Variants in LRBA observed in about 807,000 individuals in gnomAD.
LRBA encodes the protein LPS responsive beige-like anchor protein, also known as lipopolysaccharide-responsive and beige-like anchor protein.
LRBA carries 176 observed loss-of-function variants against 330.0 expected under a neutral mutation model. The observed-to-expected ratio is 0.53, with a 90% CI of 0.47 to 0.60. The LOEUF is 0.60. LRBA is among the 20% of genes least tolerant of loss of function. The pLI, the probability that LRBA is intolerant of heterozygous loss-of-function variation, is 0.00. For missense variants in LRBA, 3,259 were observed against 3,444.8 expected (o/e 0.95, Z 1.35); for synonymous variants, 1,230 against 1,193.0 (o/e 1.03, Z -0.64).
At chr4:150,437,921 T>G (rs563587911) in intron 44 of LRBA, among the ~76,000 whole-genome samples, 1 of 152,352 alleles carries the variant, frequency 6.6e-6, no homozygotes, top group East Asian at 1.9e-4. Context: ...ACTGCTGTTG[T>G]CATTTAGGTA....
At chr4:150,906,817 G>A (rs1731387601) in intron 11 of LRBA, among the ~76,000 whole-genome samples, 1 of 152,058 alleles carries the variant, frequency 6.6e-6, no homozygotes. Flanking sequence ...AAAAGACAGT[G>A]GAGCAAACAG....
At chr4:150,620,268 C>A (rs904951794) in intron 37 of LRBA, among the ~76,000 whole-genome samples, 2 of 152,126 alleles carry the variant, frequency 1.3e-5, no homozygotes, top group African/African-American at 4.8e-5. Flanking sequence ...CCACCCTACT[C>A]CTGCAAGAAT....
chr4:150,372,149 T>C (rs1740417703), intron 47 of LRBA, among the ~76,000 whole-genome samples: 1 of 152,230 alleles, frequency 6.6e-6, no homozygotes, highest in Non-Finnish European at 1.5e-5. Context: ...CTTTTAGTTC[T>C]TAAATTACAA....
intron 40 of LRBA, among the ~76,000 whole-genome samples, chr4:150,576,558 T>C (rs188401441): frequency 1.4e-4 from 21 of 152,054 alleles, no homozygotes; most frequent in African/African-American, 4.8e-4. Flanking sequence ...TGTATATTTT[T>C]GGTGACATCA....
chr4:150,546,132 GA>G (rs1937442559), intron 40 of LRBA, among the ~76,000 whole-genome samples: 1 of 151,982 alleles, frequency 6.6e-6, no homozygotes, highest in African/African-American at 2.4e-5. Flanking sequence ...ATGCTATTGC[GA>G]TATTACGACT....
chr4:150,891,110 G>A (rs1427650926), intron 17 of LRBA, among the ~76,000 whole-genome samples: 1 of 152,122 alleles, frequency 6.6e-6, no homozygotes, highest in African/African-American at 2.4e-5. Flanking sequence ...TAGGAAATGT[G>A]TACAAAGAAA....
intron 48 of LRBA, among the ~76,000 whole-genome samples, chr4:150,335,635 T>C (rs1465424646): frequency 2.6e-5 from 4 of 151,860 alleles, no homozygotes; most frequent in Admixed American, 6.6e-5. Flanking sequence ...TATTACAGCA[T>C]ATATATTAAA....
intron 37 of LRBA, among the ~76,000 whole-genome samples, chr4:150,602,947 C>A (rs1010839182): frequency 6.6e-6 from 1 of 152,138 alleles, no homozygotes; most frequent in Non-Finnish European, 1.5e-5. Context: ...AAGTACATAT[C>A]TAGATCACAT....
At position 150,671,000 on chromosome 4, in the gene LRBA, ATGTG is replaced by A. The variant is rs57937053; in HGVS notation, c.5921+12547_5921+12550del. ...TTCACTTTGTCCCACAACATAGCTG[ATGTG>A]TGTGTGTGTGTGTGTGTGTGTGTGT... On this transcript the variant is annotated intron_variant, in intron 37 of 56. Coordinates refer to ENST00000651943, the MANE Select transcript of LRBA (RefSeq NM_001364905.1). Among the ~76,000 whole-genome samples, 361 of 106,880 alleles carry A rather than the reference ATGTG, an allele frequency of 3.4e-3. 1 individual carries two copies. The highest frequency in any genetic ancestry group is 0.017 in the East Asian group (65 of 3,862). The allele number at this position is 106,880 out of a possible 152,430, so 70.1% of individuals were successfully genotyped here.
rs138201771 is a variant in LRBA, at chr4:150,279,254, A to G, written c.8317-1250T>C. 2.5e-4 allele frequency among the ~76,000 whole-genome samples: 38 copies of G among 152,316 alleles called. 1 individual carries two copies. The East Asian group carries it at 7.3e-3, about 29-fold the overall frequency. ...TATTTACTTTCTGTCCATTTATAGA[A>G]AAAGTGTGATTACTCCTAATTGTCC... On this transcript the variant is annotated intron_variant, in intron 55 of 56. Coordinates refer to ENST00000651943, the MANE Select transcript of LRBA (RefSeq NM_001364905.1).
At chr4:150,727,031 C>G (rs557781843) in intron 36 of LRBA, among the ~76,000 whole-genome samples, 1 of 140,338 alleles carries the variant, frequency 7.1e-6, no homozygotes, top group Admixed American at 7.3e-5. Flanking sequence ...TACTACAGAA[C>G]AAGTGGATCT....
chr4:150,387,805 A>G (rs1473394326), intron 47 of LRBA, among the ~76,000 whole-genome samples: 1 of 152,212 alleles, frequency 6.6e-6, no homozygotes, highest in East Asian at 1.9e-4. Flanking sequence ...GAGTAAGTTA[A>G]GAAGCAGATA....
intron 28 of LRBA, among the ~76,000 whole-genome samples, chr4:150,839,767 T>C (rs1659642330): frequency 1.3e-5 from 2 of 152,046 alleles, no homozygotes; most frequent in South Asian, 4.1e-4. Context: ...GGGATAGCAT[T>C]AGAAGATATA....
At chr4:150,469,023 TAGC>T (rs1425356953) in intron 43 of LRBA, among the ~76,000 whole-genome samples, 6 of 151,998 alleles carry the variant, frequency 3.9e-5, no homozygotes, top group African/African-American at 1.4e-4. Flanking sequence ...AAACCAAACA[TAGC>T]AGCAGAAAAA....
chr4:150,817,289 T>C (rs200576712), intron 30 of LRBA, 32 bp from the exon 31 acceptor site: 4 of 1,598,758 alleles, frequency 2.5e-6, no homozygotes, highest in Non-Finnish European at 3.4e-6. Flanking sequence ...GACTGAAAGA[T>C]ACAAATTGAT....
chr4:150,817,247 C>A lies in LRBA; in HGVS notation c.5182G>T (p.Val1728Phe). 1 of 1,611,756 alleles carries A rather than the reference C, an allele frequency of 6.2e-7. No homozygotes were observed. Among genetic ancestry groups the A allele is most frequent in the Middle Eastern group, 1.7e-4 (1 of 6,044 alleles). Residue 1728 changes from valine to phenylalanine, a missense_variant, in exon 31 of 57, where the codon GTT becomes TTT. Val to Phe is a conservative substitution (Grantham distance 50). Transcript: ENST00000651943. ...QFRSFDRSVIVAAKKSAVSPS... is the reference protein window; with the variant it reads ...QFRSFDRSVIFAAKKSAVSPS... ...GAGACTGCTGACTTTTTTGCTGCAA[C>A]AATGACACTTCTGTAATAAAGAAAG...
chr4:150,746,404 T>C (rs1732728063), intron 35 of LRBA, among the ~76,000 whole-genome samples: 1 of 152,092 alleles, frequency 6.6e-6, no homozygotes, highest in Non-Finnish European at 1.5e-5. Context: ...TTACTGAAGC[T>C]AGAAATATCA....
chr4:150,881,612 G>A (rs1459512828), intron 17 of LRBA, among the ~76,000 whole-genome samples: 4 of 152,088 alleles, frequency 2.6e-5, no homozygotes, highest in Non-Finnish European at 5.9e-5. Flanking sequence ...TCAAACCTCA[G>A]CATCATACAA....
intron 40 of LRBA, among the ~76,000 whole-genome samples, chr4:150,542,608 A>G (rs1189064882): frequency 6.6e-6 from 1 of 152,230 alleles, no homozygotes; most frequent in Non-Finnish European, 1.5e-5. Context: ...AAAAGTGAAT[A>G]CTGAATTTGT....
Sources: gnomAD v4.1 joint callset for allele counts (sites outside exome capture counted in the v4.1 genomes callset) on GRCh38, gnomAD v4.1.1 for gene constraint, MANE v1.5 for transcripts, NCBI Gene and HGNC (gene_info 2026-07-23, HGNC 2026-07-21) for gene names.